The following HEATR1 variants were observed in gnomAD, a reference collection of about 807,000 sequenced individuals.
HEATR1 encodes the protein HEAT repeat-containing protein 1.
Under a neutral mutation model 248.2 loss-of-function variants are expected in HEATR1, and 77 were observed. The observed-to-expected ratio is 0.31, with a 90% CI of 0.26 to 0.37. The LOEUF (loss-of-function observed/expected upper bound fraction) is 0.37, where lower values mean the gene tolerates loss of function less well. Ranked by LOEUF, HEATR1 falls within the 10% of genes least tolerant of loss-of-function variation. The pLI is 1.00. For synonymous variants in HEATR1, 897 were observed against 923.1 expected, an observed-to-expected ratio of 0.97 and a Z score of 0.51; for missense variants, 2,420 against 2,504.9, an observed-to-expected ratio of 0.97 and a Z score of 0.72.
At chr1:236,555,967 C>T (rs1222085780) in intron 38 of HEATR1, 28 bp from the exon 39 acceptor site, 3 of 1,611,838 alleles carry the variant, frequency 1.9e-6, no homozygotes, top group East Asian at 4.5e-5. Flanking sequence ...AAGAGATGTG[C>T]CATTTTCAAA....
Position 236,576,298 on chromosome 1 carries a change from T to C in HEATR1, c.3005A>G (p.Asn1002Ser), listed in dbSNP as rs1178758037. 5.6e-6 allele frequency: 9 copies of C among 1,611,994 alleles called. No individual in the cohort carries two copies. In the Admixed American group the frequency reaches 1.5e-4, roughly 27 times the overall value. The change falls in exon 22 of 45, where the codon AAC becomes AGC. Residue 1002 changes from asparagine (N) to serine (S), a missense_variant. Asn to Ser is a conservative substitution (Grantham distance 46, BLOSUM62 1). Transcript: ENST00000366582. ...GCAACTATACACACAACTAAGTAAG[T>C]TTTTCAAAGTTTCAGACAACTTCTG... ...SHQKLSETLK[N>S]LLSCVYSCPS...
At chr1:236,558,635 G>A (rs1663040961) in intron 35 of HEATR1, 106 bp from the exon 36 acceptor site, 5 of 1,138,916 alleles carry the variant, frequency 4.4e-6, no homozygotes, top group African/African-American at 1.6e-5. Flanking sequence ...TCAGACTCGG[G>A]GGTCCTGAGT....
chr1:236,564,404 A>C (rs1663214904), intron 32 of HEATR1, 94 bp downstream of exon 32: 1 of 1,090,130 alleles, frequency 9.2e-7, no homozygotes. Flanking sequence ...TCCCATTTTC[A>C]TGAGCCATTT....
chr1:236,559,904 C>A, intron 33 of HEATR1, 67 bp from the exon 34 acceptor site: 2 of 1,450,862 alleles, frequency 1.4e-6, no homozygotes, highest in Non-Finnish European at 1.9e-6. Context: ...TCATGTCTAC[C>A]TTATGCTAAA....
intron 33 of HEATR1, among the ~76,000 whole-genome samples, chr1:236,560,138 A>G (rs576587634): frequency 6.6e-6 from 1 of 152,256 alleles, no homozygotes; most frequent in East Asian, 1.9e-4. Flanking sequence ...GCTCATGCTC[A>G]GTGGATCTCA....
At position 236,583,331 on chromosome 1, in the gene HEATR1, T is replaced by C. The variant is rs1356133000; in HGVS notation, c.2242-135A>G. On this transcript the variant is annotated intron_variant, in intron 17 of 44. Coordinates refer to ENST00000366582, the MANE Select transcript of HEATR1 (RefSeq NM_018072.6). ...TGGGGAAAGGATTAACAGAACTGCT[T>C]TGGTCGGATTTTTAAAGAGGTTTAT... 3 of 666,708 alleles carry C rather than the reference T, an allele frequency of 4.5e-6. No individual in the cohort carries two copies. The African/African-American group carries it at 5.4e-5, about 12-fold the overall frequency. 41.3% of individuals were successfully genotyped at this position (666,708 alleles called of 1,614,324 possible). A position where few individuals can be genotyped will look rare whatever the true frequency, so the allele number is the denominator to read the frequency against.
At chr1:236,572,651 A>G in intron 25 of HEATR1, 74 bp downstream of exon 25, 3 of 1,598,234 alleles carry the variant, frequency 1.9e-6, no homozygotes, top group South Asian at 2.2e-5. Context: ...ATGAGTATCA[A>G]AAAGTTCCAA....
At position 236,599,513 on chromosome 1, in the gene HEATR1, C is replaced by T. The variant is rs6660762; in HGVS notation, c.471G>A (p.Lys157=). 1,647 of 1,613,602 alleles carry T rather than the reference C, an allele frequency of 1.0e-3. 19 individuals are homozygous for T. The African/African-American group carries it at 0.02, about 19-fold the overall frequency. ...CTGGCAACAACCAGAACCATCTGTG[C>T]TTTGAATTATTAATTTTTAGAAGCT... ...VIQLLKINNS[K]HRWFWLLPVK... The change falls in exon 4 of 45, where the codon AAG becomes AAA. Residue 157 remains lysine, a synonymous_variant. Transcript: ENST00000366582.
intron 29 of HEATR1, among the ~76,000 whole-genome samples, chr1:236,568,169 C>A (rs978053350): frequency 1.3e-5 from 2 of 152,226 alleles, no homozygotes; most frequent in African/African-American, 4.8e-5. Flanking sequence ...GGTACAAATT[C>A]TATTTCTTAT....
At chr1:236,574,432 C>T in intron 23 of HEATR1, 99 bp from the exon 24 acceptor site, 2 of 1,405,976 alleles carry the variant, frequency 1.4e-6, no homozygotes, top group Non-Finnish European at 1.9e-6. Flanking sequence ...AAATTGTTTC[C>T]CACTTAATTT....
At chr1:236,574,393 A>G (rs1006487802) in intron 23 of HEATR1, 60 bp from the exon 24 acceptor site, 1 of 1,518,362 alleles carries the variant, frequency 6.6e-7, no homozygotes, top group African/African-American at 1.4e-5. Flanking sequence ...TCCAGAAATA[A>G]TTTTTATATC....
chr1:236,580,416 C>T (rs912120006), intron 20 of HEATR1, among the ~76,000 whole-genome samples: 1 of 152,060 alleles, frequency 6.6e-6, no homozygotes, highest in Non-Finnish European at 1.5e-5. Flanking sequence ...TAATCACCTG[C>T]CATTTCTATT....
At position 236,558,207 on chromosome 1, in the gene HEATR1, A is replaced by G. The variant is rs201169661; in HGVS notation, c.5204+30T>C. On this transcript the variant is annotated intron_variant, in intron 36 of 44. Coordinates refer to ENST00000366582, the MANE Select transcript of HEATR1 (RefSeq NM_018072.6). ...TTTTCAATGTGTGCCAGGCGGTAAC[A>G]GCTCCTGTTCCAAGTCTCCGGCCGC... 3.0e-4 allele frequency: 472 copies of G among 1,585,308 alleles called. 6 individuals carry two copies. In the Admixed American group the frequency reaches 7.9e-3, roughly 26 times the overall value.
chr1:236,558,278 C>G lies in HEATR1; in HGVS notation c.5163G>C (p.Val1721=). 1 of 1,614,016 alleles carries G rather than the reference C, an allele frequency of 6.2e-7. No individual in the cohort carries two copies. Among genetic ancestry groups the G allele is most frequent in the Non-Finnish European group, 8.5e-7 (1 of 1,180,008 alleles). The change falls in exon 36 of 45, where the codon GTG becomes GTC. Residue 1721 remains valine (V), a synonymous_variant. Transcript: ENST00000366582. ...TGGCCAGCGCCTCCAGGGTGGAGGT[C>G]ACCTCTGCTATGCACAGCAGCGCGC... The part of the protein sequence containing the change: ...LGSALLCIAE[V]TSTLEALAIP...
At chr1:236,582,289 G>A (rs993158000) in intron 19 of HEATR1, among the ~76,000 whole-genome samples, 2 of 151,898 alleles carry the variant, frequency 1.3e-5, no homozygotes, top group South Asian at 2.1e-4. Context: ...TGTATTTTTC[G>A]TAGAGACGGC....
chr1:236,576,387 C>G lies in HEATR1; in HGVS notation c.2926-10G>C. 6.4e-7 allele frequency: 1 copy of G among 1,550,686 alleles called. No individual in the cohort carries two copies. The highest frequency in any genetic ancestry group is 8.7e-7 in the Non-Finnish European group (1 of 1,154,056). On this transcript the variant is annotated splice_polypyrimidine_tract_variant and intron_variant, in intron 21 of 44. Coordinates refer to ENST00000366582, the MANE Select transcript of HEATR1 (RefSeq NM_018072.6). ...ATAAAGTAGCCAAATCCTAAGATACCAAAAAGAAAATTGGATAAAAAAGGG... is the reference window on the plus strand; with the variant it reads ...ATAAAGTAGCCAAATCCTAAGATACGAAAAAGAAAATTGGATAAAAAAGGG...
intron 31 of HEATR1, 100 bp from the exon 32 acceptor site, chr1:236,564,761 A>G: frequency 8.9e-7 from 1 of 1,129,362 alleles, no homozygotes; most frequent in Non-Finnish European, 1.2e-6. Context: ...AATTAACGGG[A>G]TAACATTTTC....
chr1:236,590,803 T>A, intron 12 of HEATR1, 44 bp downstream of exon 12: 1 of 1,023,534 alleles, frequency 9.8e-7, no homozygotes, highest in Non-Finnish European at 1.4e-6. Flanking sequence ...ACACTGCTCA[T>A]CATAAGAAAA....
chr1:236,557,246 C>T lies in HEATR1; in HGVS notation c.5304G>A (p.Val1768=), dbSNP rs1187323959. The change falls in exon 37 of 45, where the codon GTG becomes GTA. Residue 1768 remains valine, a synonymous_variant. Transcript: ENST00000366582. The part of the protein sequence containing the change: ...LSALAALQKV[V]ETLPHFISPY... ...GGCTGATGAAGTGCGGGAGAGTCTC[C>T]ACAACCTTCTGCAGAGCAGCCAAGG... 18 of 1,614,042 alleles carry T rather than the reference C, an allele frequency of 1.1e-5. No homozygotes were observed. The highest frequency in any genetic ancestry group is 1.4e-5 in the Non-Finnish European group (16 of 1,180,028).
Sources: gnomAD v4.1 joint callset for allele counts (sites outside exome capture counted in the v4.1 genomes callset) on GRCh38, gnomAD v4.1.1 for gene constraint, MANE v1.5 for transcripts, NCBI Gene and HGNC (gene_info 2026-07-23, HGNC 2026-07-21) for gene names.